BLTP1: variants seen among roughly 807,000 people sequenced by gnomAD.
The protein encoded by BLTP1 is fragile site-associated protein.
At chr4:122,229,848 G>T in the BLTP1 span, 2 of 1,450,972 alleles carry the variant, frequency 1.4e-6, no homozygotes, top group South Asian at 2.9e-5. Flanking sequence ...TATTTGAAAT[G>T]ATCACCTATT....
the BLTP1 span, chr4:122,304,991 C>T: frequency 1.3e-4 from 210 of 1,611,102 alleles, no homozygotes; most frequent in Non-Finnish European, 1.7e-4. Flanking sequence ...CAGGTGAGTA[C>T]AGAATATGTT....
the BLTP1 span, among the ~76,000 whole-genome samples, chr4:122,181,976 C>T: frequency 1.3e-5 from 2 of 151,970 alleles, no homozygotes; most frequent in Non-Finnish European, 2.9e-5. Context: ...CCTCTAACAT[C>T]GCTATAAAAT....
the BLTP1 span, among the ~76,000 whole-genome samples, chr4:122,177,189 A>G: frequency 2.0e-3 from 309 of 152,272 alleles, 3 homozygotes; most frequent in African/African-American, 7.0e-3. Context: ...CCATCTTATC[A>G]ACAGCAAGTC....
the BLTP1 span, among the ~76,000 whole-genome samples, chr4:122,320,888 G>A: frequency 2.0e-5 from 3 of 149,044 alleles, no homozygotes; most frequent in South Asian, 2.2e-4. Context: ...TTGTCTTCTC[G>A]TTTTTCTGCC....
the BLTP1 span, chr4:122,243,166 T>C: frequency 8.1e-7 from 1 of 1,234,086 alleles, no homozygotes; most frequent in African/African-American, 1.5e-5. Flanking sequence ...AGTATGAACT[T>C]TATATTAAGA....
At chr4:122,271,109 G>C in the BLTP1 span, 4 of 1,613,724 alleles carry the variant, frequency 2.5e-6, no homozygotes, top group African/African-American at 5.3e-5. Context: ...GGAAAAGTCC[G>C]TGTGCACCCC....
At chr4:122,247,274 C>T in the BLTP1 span, 1 of 1,613,402 alleles carries the variant, frequency 6.2e-7, no homozygotes, top group Non-Finnish European at 8.5e-7. Context: ...AGATCAAATG[C>T]TGGAGCAGAA....
At chr4:122,243,100 T>G in the BLTP1 span, 4 of 1,600,388 alleles carry the variant, frequency 2.5e-6, no homozygotes, top group Non-Finnish European at 3.4e-6. Flanking sequence ...TTAAAGTGTC[T>G]TCCTTGATTA....
chr4:122,268,574 C>A, the BLTP1 span, among the ~76,000 whole-genome samples: 1 of 152,120 alleles, frequency 6.6e-6, no homozygotes, highest in African/African-American at 2.4e-5. Flanking sequence ...TTAAGAGTGT[C>A]TCAAACAGTG....
the BLTP1 span, chr4:122,346,545 A>T: frequency 3.3e-6 from 5 of 1,512,530 alleles, no homozygotes; most frequent in Admixed American, 6.3e-5. Flanking sequence ...GCTGTGTAAT[A>T]ACCCTGTCTT....
chr4:122,219,150 A>G, the BLTP1 span: 1 of 984,886 alleles, frequency 1.0e-6, no homozygotes, highest in Non-Finnish European at 1.2e-6. Flanking sequence ...TTGCTACTGA[A>G]TATTTGCCAA....
the BLTP1 span, among the ~76,000 whole-genome samples, chr4:122,193,028 G>A: frequency 6.6e-6 from 1 of 152,152 alleles, no homozygotes; most frequent in Non-Finnish European, 1.5e-5. Context: ...TCCTTGACTT[G>A]TAGATGGCTG....
the BLTP1 span, among the ~76,000 whole-genome samples, chr4:122,287,292 A>G: frequency 6.6e-6 from 1 of 152,246 alleles, no homozygotes; most frequent in African/African-American, 2.4e-5. Flanking sequence ...TACTAAGGTT[A>G]AGTTGAAAGT....
the BLTP1 span, chr4:122,331,317 T>G: frequency 6.2e-7 from 1 of 1,605,498 alleles, no homozygotes; most frequent in Admixed American, 1.7e-5. Flanking sequence ...TCAATTGTTC[T>G]TTCTGTAGAC....
At chr4:122,232,366 C>T in the BLTP1 span, among the ~76,000 whole-genome samples, 2 of 152,224 alleles carry the variant, frequency 1.3e-5, no homozygotes, top group Admixed American at 1.3e-4. Flanking sequence ...TTCAGATAAA[C>T]AACAAAACAC....
the BLTP1 span, chr4:122,237,428 AT>A: frequency 1.2e-6 from 1 of 865,194 alleles, no homozygotes; most frequent in Non-Finnish European, 1.4e-6. Flanking sequence ...ATGAGGCATT[AT>A]TCTAGGCACT....
the BLTP1 span, chr4:122,186,211 G>A: frequency 4.3e-6 from 7 of 1,610,040 alleles, no homozygotes; most frequent in African/African-American, 4.0e-5. Context: ...GAACCCAATC[G>A]AAAATTGAAA....
At chr4:122,249,222 T>G in the BLTP1 span, 1 of 588,780 alleles carries the variant, frequency 1.7e-6, no homozygotes, top group Non-Finnish European at 2.1e-6. Context: ...ATTTTTAACT[T>G]TATATTTTTT....
chr4:122,153,856 G>C, the BLTP1 span: 1 of 277,894 alleles, frequency 3.6e-6, no homozygotes, highest in African/African-American at 2.3e-5. Flanking sequence ...TTTATACTTA[G>C]GAGTATTTGT....
Sources: gnomAD v4.1 joint callset for allele counts (sites outside exome capture counted in the v4.1 genomes callset) on GRCh38, gnomAD v4.1.1 for gene constraint, MANE v1.5 for transcripts, NCBI Gene and HGNC (gene_info 2026-07-23, HGNC 2026-07-21) for gene names.